Variants in FUT9 observed in about 807,000 individuals in gnomAD.
FUT9 encodes fucosyltransferase 9.
FUT9 carries 15 observed loss-of-function variants against 29.7 expected under a neutral mutation model. That is an observed-to-expected ratio of 0.51 (90% CI 0.34 to 0.78). The LOEUF is 0.78. FUT9 is among the 30% of genes least tolerant of loss of function. The pLI is 0.01. For missense variants in FUT9, 319 were observed against 425.4 expected (o/e 0.75, Z 2.20); for synonymous variants, 169 against 153.7 (o/e 1.10, Z -0.74).
intron 2 of FUT9, among the ~76,000 whole-genome samples, chr6:96,121,422 G>A (rs1772024917): frequency 6.6e-6 from 1 of 152,062 alleles, no homozygotes; most frequent in African/African-American, 2.4e-5. Context: ...ACTCTACAAA[G>A]AGACAAGAAA....
chr6:96,209,172 CTAT>C lies in FUT9; in HGVS notation c.*4940_*4942del, dbSNP rs748379991. ...CTTGTTTGTAAGCTTTCTTCTAGCA[CTAT>C]TACTCTTATCTAAGATCGAAATTGA... is the stretch of plus-strand genomic sequence containing the variant. On this transcript the variant is annotated 3_prime_UTR_variant, in exon 3 of 3. Coordinates refer to ENST00000302103, the MANE Select transcript of FUT9 (RefSeq NM_006581.4). 6.0e-5 allele frequency: 10 copies of C among 166,838 alleles called. No homozygotes were observed. The highest frequency in any genetic ancestry group is 1.3e-4 in the Non-Finnish European group (9 of 68,010). The allele number at this position is 166,838 out of a possible 1,614,324, so 10.3% of individuals were successfully genotyped here.
intron 2 of FUT9, among the ~76,000 whole-genome samples, chr6:96,179,066 T>C (rs779683874): frequency 3.9e-5 from 6 of 152,124 alleles, no homozygotes; most frequent in Non-Finnish European, 8.8e-5. Context: ...ATTCTCTCAA[T>C]GCAATGAAAT....
At position 96,040,088 on chromosome 6, in the gene FUT9, C is replaced by T. The variant is rs184085508; in HGVS notation, c.-98+23876C>T. Among the ~76,000 whole-genome samples, 566 of 152,182 alleles carry T rather than the reference C, an allele frequency of 3.7e-3. 1 individual carries two copies. Among genetic ancestry groups the T allele is most frequent in the South Asian group, 0.011 (54 of 4,820 alleles). ...ATCATACCATGTATGTGACCTATGA[C>T]ATTATATAAAATTTTTAAATTTCTG... On this transcript the variant is annotated intron_variant, in intron 1 of 2. Transcript: ENST00000302103.
chr6:96,065,160 G>A (rs539714912), intron 1 of FUT9, among the ~76,000 whole-genome samples: 2 of 152,148 alleles, frequency 1.3e-5, no homozygotes, highest in South Asian at 4.2e-4. Flanking sequence ...TCCTGTCTAG[G>A]TAGACTTGGC....
chr6:96,087,355 C>G (rs1459796167), intron 1 of FUT9, among the ~76,000 whole-genome samples: 2 of 138,716 alleles, frequency 1.4e-5, no homozygotes, highest in Non-Finnish European at 3.0e-5. Flanking sequence ...TTATATTTTC[C>G]CCACAAATTT....
intron 2 of FUT9, among the ~76,000 whole-genome samples, chr6:96,129,024 G>A (rs1010230718): frequency 3.3e-5 from 5 of 151,226 alleles, no homozygotes; most frequent in African/African-American, 4.9e-5. Flanking sequence ...TTGGGAGGCC[G>A]AGGCGGGCGG....
intron 1 of FUT9, among the ~76,000 whole-genome samples, chr6:96,061,668 G>A (rs961087269): frequency 5.3e-5 from 8 of 151,756 alleles, no homozygotes; most frequent in Admixed American, 3.3e-4. Context: ...TTTCCTCTTA[G>A]ACTCATGTAG....
At chr6:96,119,090 A>G (rs149764359) in intron 2 of FUT9, among the ~76,000 whole-genome samples, 18 of 152,308 alleles carry the variant, frequency 1.2e-4, no homozygotes, top group African/African-American at 4.1e-4. Context: ...AAACCTTTTT[A>G]TAGGTTTAAT....
chr6:96,067,350 T>A (rs527794873), intron 1 of FUT9, among the ~76,000 whole-genome samples: 9 of 152,072 alleles, frequency 5.9e-5, no homozygotes, highest in African/African-American at 2.2e-4. Context: ...CTTTAGAATA[T>A]AAAAGACCTT....
intron 2 of FUT9, among the ~76,000 whole-genome samples, chr6:96,161,298 C>T (rs1171765341): frequency 6.6e-6 from 1 of 152,016 alleles, no homozygotes; most frequent in Non-Finnish European, 1.5e-5. Flanking sequence ...CATCATTGGC[C>T]CCTTCCACCA....
intron 1 of FUT9, among the ~76,000 whole-genome samples, chr6:96,026,623 G>A (rs1770173726): frequency 6.6e-6 from 1 of 151,532 alleles, no homozygotes. Context: ...AGTTTGAAGG[G>A]TGTCCAAATT....
At chr6:96,193,938 C>G (rs141855942) in intron 2 of FUT9, among the ~76,000 whole-genome samples, 1 of 152,058 alleles carries the variant, frequency 6.6e-6, no homozygotes, top group African/African-American at 2.4e-5. Context: ...TCATTCTCAG[C>G]GAACTATCGC....
intron 1 of FUT9, among the ~76,000 whole-genome samples, chr6:96,090,123 A>T (rs1362879723): frequency 2.0e-5 from 3 of 152,140 alleles, no homozygotes; most frequent in Non-Finnish European, 4.4e-5. Flanking sequence ...TACGGCCCAT[A>T]AGAAAGAGTT....
chr6:96,162,238 C>T (rs941139324), intron 2 of FUT9, among the ~76,000 whole-genome samples: 8 of 151,988 alleles, frequency 5.3e-5, no homozygotes, highest in Admixed American at 4.6e-4. Flanking sequence ...TTTTAGCATT[C>T]CTCTTATTTT....
rs950073013 is a variant in FUT9 at position 96,206,355 on chromosome 6, G to A, written c.*2120G>A. The A allele has an allele frequency of 6.0e-6, 1 of 167,050 alleles. No individual in the cohort carries two copies. Among genetic ancestry groups the A allele is most frequent in the African/African-American group, 2.4e-5 (1 of 41,432 alleles). 10.3% of individuals were successfully genotyped at this position (167,050 alleles called of 1,614,324 possible). ...CCATATTTAATTAATTGGTAAGACA[G>A]TCAAATTCATACATTTACATTTACT... On this transcript the variant is annotated 3_prime_UTR_variant, in exon 3 of 3. Coordinates refer to ENST00000302103, the MANE Select transcript of FUT9 (RefSeq NM_006581.4).
intron 2 of FUT9, among the ~76,000 whole-genome samples, chr6:96,166,105 CAA>C (rs1311306397): frequency 1.3e-5 from 2 of 149,078 alleles, no homozygotes; most frequent in Non-Finnish European, 3.0e-5. Flanking sequence ...ATTTTTAAAA[CAA>C]AAGAGAGAGA....
chr6:96,155,605 G>A (rs777543633), intron 2 of FUT9, among the ~76,000 whole-genome samples: 6 of 151,662 alleles, frequency 4.0e-5, no homozygotes, highest in African/African-American at 1.5e-4. Flanking sequence ...CCTGGGAGGC[G>A]GAGCTTGCAG....
intron 2 of FUT9, among the ~76,000 whole-genome samples, chr6:96,120,676 T>C (rs116029686): frequency 0.045 from 6,160 of 137,426 alleles, 175 homozygotes; most frequent in South Asian, 0.14. Context: ...TTAAAATATT[T>C]GCAGTTTTGA....
intron 2 of FUT9, among the ~76,000 whole-genome samples, chr6:96,131,601 A>C (rs922582080): frequency 1.3e-5 from 2 of 152,146 alleles, no homozygotes; most frequent in African/African-American, 4.8e-5. Flanking sequence ...CTAGACCTTC[A>C]GAGGAAATAT....
Sources: allele counts gnomAD v4.1 joint callset (sites outside exome capture counted in the v4.1 genomes callset), GRCh38; gene constraint gnomAD v4.1.1; transcripts MANE v1.5; gene names NCBI Gene and HGNC (gene_info 2026-07-23, HGNC 2026-07-21).